Variants in FBXL17 observed in about 807,000 individuals in gnomAD.
FBXL17 encodes F-box and leucine rich repeat protein 17, also known as F-box/LRR-repeat protein 17.
Under a neutral mutation model 66.2 loss-of-function variants are expected in FBXL17, and 22 were observed. That is an observed-to-expected ratio of 0.33 (90% confidence interval 0.24 to 0.47). The LOEUF (loss-of-function observed/expected upper bound fraction) is 0.47. Ranked by LOEUF, FBXL17 falls within the 20% of genes least tolerant of loss-of-function variation. The probability of loss-of-function intolerance (pLI) is 1.00; values close to 1 mark genes in which losing one functional copy is unlikely to be tolerated. For synonymous variants in FBXL17, 474 were observed against 400.5 expected (o/e 1.18, Z -2.19); for missense variants, 878 against 948.2 (o/e 0.93, Z 0.97).
chr5:108,048,914 C>T (rs1747364443), intron 6 of FBXL17, among the ~76,000 whole-genome samples: 1 of 152,104 alleles, frequency 6.6e-6, no homozygotes, highest in Admixed American at 6.6e-5. Context: ...AGATCCCCAA[C>T]CTAGCAAGAC....
intron 3 of FBXL17, among the ~76,000 whole-genome samples, chr5:108,352,056 G>A (rs1197418903): frequency 6.6e-6 from 1 of 152,236 alleles, no homozygotes; most frequent in Non-Finnish European, 1.5e-5. Context: ...AGAACCATGT[G>A]GATGGCATAT....
chr5:108,083,244 C>T (rs868161886), intron 6 of FBXL17, among the ~76,000 whole-genome samples: 2 of 139,334 alleles, frequency 1.4e-5, no homozygotes, highest in Middle Eastern at 7.0e-3. Flanking sequence ...CACACACACA[C>T]ACACACAGAG....
At chr5:108,219,388 C>T (rs1039988453) in intron 5 of FBXL17, among the ~76,000 whole-genome samples, 4 of 151,856 alleles carry the variant, frequency 2.6e-5, no homozygotes, top group African/African-American at 7.3e-5. Context: ...AATTGATAGG[C>T]CTAAAGATGT....
intron 7 of FBXL17, among the ~76,000 whole-genome samples, chr5:107,998,391 T>A (rs1366981145): frequency 6.6e-6 from 1 of 152,160 alleles, no homozygotes; most frequent in Non-Finnish European, 1.5e-5. Flanking sequence ...AGGGTTAAAC[T>A]TCATTAAGAA....
At chr5:108,034,418 G>A (rs1746761024) in intron 6 of FBXL17, among the ~76,000 whole-genome samples, 1 of 152,176 alleles carries the variant, frequency 6.6e-6, no homozygotes, top group South Asian at 2.1e-4. Context: ...TCTTAAAATT[G>A]TGTTGCCAGA....
chr5:108,201,206 T>C (rs772629660), intron 5 of FBXL17, among the ~76,000 whole-genome samples: 2 of 152,190 alleles, frequency 1.3e-5, no homozygotes, highest in African/African-American at 2.4e-5. Context: ...GAGAACACTT[T>C]CGTTCATCAG....
intron 7 of FBXL17, among the ~76,000 whole-genome samples, chr5:107,926,837 T>C (rs529670739): frequency 1.3e-5 from 2 of 152,284 alleles, no homozygotes; most frequent in African/African-American, 4.8e-5. Flanking sequence ...CTACAACTGA[T>C]TTCTCCAGTA....
At chr5:108,086,543 A>C (rs537043499) in intron 6 of FBXL17, among the ~76,000 whole-genome samples, 1 of 152,226 alleles carries the variant, frequency 6.6e-6, no homozygotes, top group Admixed American at 6.5e-5. Flanking sequence ...TTTAATAGGA[A>C]TGTTGGCTGT....
chr5:108,264,193 C>T (rs868388475), intron 4 of FBXL17, among the ~76,000 whole-genome samples: 3 of 114,580 alleles, frequency 2.6e-5, no homozygotes, highest in Middle Eastern at 9.3e-3. Flanking sequence ...CCAGCCTGGG[C>T]GACAGAGTGA....
At chr5:108,116,500 T>C (rs1750256556) in intron 6 of FBXL17, among the ~76,000 whole-genome samples, 1 of 148,428 alleles carries the variant, frequency 6.7e-6, no homozygotes, top group Admixed American at 6.7e-5. Context: ...AAAAAAAAAT[T>C]AGCTGGGCGT....
chr5:108,204,183 A>G (rs777846295), intron 5 of FBXL17, among the ~76,000 whole-genome samples: 9 of 152,214 alleles, frequency 5.9e-5, no homozygotes, highest in Non-Finnish European at 1.0e-4. Context: ...CTTAATAGTT[A>G]TTTAATATAA....
Position 108,380,704 on chromosome 5 carries a change from G to C in FBXL17, c.988C>G (p.Leu330Val). The change falls in exon 1 of 9, where the codon CTC becomes GTC. Residue 330 changes from leucine to valine, a missense_variant. Around this residue, in one of 4 missense-constraint regions of FBXL17, gnomAD observed 605 missense variants for 509.5 expected, o/e 1.19. Transcript: ENST00000542267. ...DINQLPPSIL[L>V]KIFSNLSLDE... ...CGCCTCTCGCCCAGACCCACCTTGAGCAGGATGGACGGCGGCAGCTGGTTG... is the reference window on the plus strand; with the variant it reads ...CGCCTCTCGCCCAGACCCACCTTGACCAGGATGGACGGCGGCAGCTGGTTG... 1 of 1,249,570 alleles carries C rather than the reference G, an allele frequency of 8.0e-7. No homozygotes were observed. Among genetic ancestry groups the C allele is most frequent in the Non-Finnish European group, 1.0e-6 (1 of 989,190 alleles). The allele number at this position is 1,249,570 out of a possible 1,614,324, so 77.4% of individuals were successfully genotyped here.
intron 6 of FBXL17, among the ~76,000 whole-genome samples, chr5:108,160,808 T>C (rs923991309): frequency 1.3e-5 from 2 of 152,198 alleles, no homozygotes; most frequent in Non-Finnish European, 2.9e-5. Context: ...TCCATGCACA[T>C]GCACCTTTTT....
chr5:108,095,249 TA>T (rs201927907), intron 6 of FBXL17, among the ~76,000 whole-genome samples: 23,965 of 148,056 alleles, frequency 0.16, 1,969 homozygotes, highest in Admixed American at 0.18. Flanking sequence ...ATCAAATGGT[TA>T]AAAAAAAAAA....
At chr5:107,937,399 T>C (rs1279888113) in intron 7 of FBXL17, among the ~76,000 whole-genome samples, 1 of 152,132 alleles carries the variant, frequency 6.6e-6, no homozygotes, top group Non-Finnish European at 1.5e-5. Context: ...ACTTAACAGC[T>C]CTGAATATCA....
intron 6 of FBXL17, among the ~76,000 whole-genome samples, chr5:108,049,535 G>A (rs187579884): frequency 1.3e-5 from 2 of 152,208 alleles, no homozygotes; most frequent in East Asian, 3.9e-4. Context: ...ACAAGCAAAT[G>A]CTGAGGGATT....
In FBXL17 at chr5:107,860,929, A is replaced by G. The variant is rs988907346; in HGVS notation, c.*791T>C. ...TCATTAAAATATATCCTGACCAGTT[A>G]CTATCCAGGAAATAAAAGCTAACAC... On this transcript the variant is annotated 3_prime_UTR_variant, in exon 9 of 9. Coordinates refer to ENST00000542267, the MANE Select transcript of FBXL17 (RefSeq NM_001163315.3). The G allele has an allele frequency of 5.9e-5, 9 of 152,232 alleles. No individual in the cohort carries two copies. The highest frequency in any genetic ancestry group is 5.2e-4 in the Admixed American group (8 of 15,278). 9.4% of individuals were successfully genotyped at this position (152,232 alleles called of 1,614,324 possible).
At chr5:107,879,839 TCCC>T in intron 8 of FBXL17, 1 of 985,408 alleles carries the variant, frequency 1.0e-6, no homozygotes, top group African/African-American at 1.7e-5. Flanking sequence ...AGGGAAGCAG[TCCC>T]CGTGGCCACA....
chr5:108,082,909 G>C (rs1162062588), intron 6 of FBXL17, among the ~76,000 whole-genome samples: 1 of 152,120 alleles, frequency 6.6e-6, no homozygotes, highest in Non-Finnish European at 1.5e-5. Context: ...CTTTCAGTAG[G>C]AGTTGGATAA....
Sources: allele counts gnomAD v4.1 joint callset (sites outside exome capture counted in the v4.1 genomes callset), GRCh38; gene constraint gnomAD v4.1.1; regional missense constraint gnomAD v4.1.1; transcripts MANE v1.5; gene names NCBI Gene and HGNC (gene_info 2026-07-23, HGNC 2026-07-21).